Variants in NEGR1 observed in about 807,000 individuals in gnomAD.
NEGR1 encodes IgLON family member 4.
NEGR1 carries 10 observed loss-of-function variants against 40.9 expected under a neutral mutation model. The ratio of observed to expected loss-of-function variants is 0.24; its 90% CI spans 0.15 to 0.42. The LOEUF is 0.42. Ranked by LOEUF, NEGR1 falls within the 10% of genes least tolerant of loss-of-function variation. The pLI is 1.00. For synonymous variants in NEGR1, 185 were observed against 166.8 expected (o/e 1.11, Z -0.84); for missense variants, 352 against 438.9 (o/e 0.80, Z 1.77).
chr1:71,879,698 AT>A (rs906531843), intron 2 of NEGR1, among the ~76,000 whole-genome samples: 1 of 152,176 alleles, frequency 6.6e-6, no homozygotes, highest in East Asian at 1.9e-4. Flanking sequence ...TCACTAAAGC[AT>A]TTCACAAAAA....
At chr1:72,161,985 C>A (rs879343249) in intron 1 of NEGR1, among the ~76,000 whole-genome samples, 2 of 151,954 alleles carry the variant, frequency 1.3e-5, no homozygotes, top group Non-Finnish European at 2.9e-5. Context: ...AGCCACCATG[C>A]CTGGCCATGC....
chr1:72,153,052 T>C (rs1570048357), intron 1 of NEGR1, among the ~76,000 whole-genome samples: 1 of 151,794 alleles, frequency 6.6e-6, no homozygotes, highest in South Asian at 2.1e-4. Flanking sequence ...ATAGGATCCA[T>C]ACCCTAAACC....
rs189565452 is a variant in NEGR1 at position 72,106,711 on chromosome 1, C to T, written c.177-171400G>A. ...ATAAGAAGTCCATCAAACATTTCAA[C>T]AAAGCAAAATTGGCTGACCCAGAGC... is the stretch of plus-strand genomic sequence containing the variant. On this transcript the variant is annotated intron_variant, in intron 1 of 6. Transcript: ENST00000357731. Among the ~76,000 whole-genome samples, 441 of 151,974 alleles carry T rather than the reference C, an allele frequency of 2.9e-3. 1 individual carries two copies. The highest frequency in any genetic ancestry group is 5.1e-3 in the Non-Finnish European group (345 of 67,892).
At chr1:71,823,839 G>A (rs1216987374) in intron 2 of NEGR1, among the ~76,000 whole-genome samples, 1 of 152,020 alleles carries the variant, frequency 6.6e-6, no homozygotes, top group Non-Finnish European at 1.5e-5. Context: ...CGCCTATTTT[G>A]CCATCTGGGT....
intron 1 of NEGR1, among the ~76,000 whole-genome samples, chr1:72,038,389 C>A (rs565571282): frequency 3.9e-5 from 6 of 151,968 alleles, no homozygotes; most frequent in Admixed American, 2.0e-4. Flanking sequence ...ATAAGAAGTT[C>A]ATATTTCTTC....
At chr1:71,835,606 C>A (rs1466252482) in intron 2 of NEGR1, among the ~76,000 whole-genome samples, 2 of 152,002 alleles carry the variant, frequency 1.3e-5, no homozygotes, top group Admixed American at 1.3e-4. Flanking sequence ...CTGTCAGTCC[C>A]CCAACCTATG....
intron 1 of NEGR1, among the ~76,000 whole-genome samples, chr1:72,227,651 T>G (rs1654235626): frequency 6.6e-6 from 1 of 152,124 alleles, no homozygotes; most frequent in African/African-American, 2.4e-5. Context: ...TATAGAAACT[T>G]TTTTGTAAAG....
At chr1:72,118,857 C>A (rs1033193410) in intron 1 of NEGR1, among the ~76,000 whole-genome samples, 2 of 151,304 alleles carry the variant, frequency 1.3e-5, no homozygotes, top group Non-Finnish European at 3.0e-5. Flanking sequence ...GCACTATTTT[C>A]AACCAAATTT....
chr1:71,635,227 T>A (rs1651108269), intron 4 of NEGR1, among the ~76,000 whole-genome samples: 1 of 152,068 alleles, frequency 6.6e-6, no homozygotes. Context: ...TACACATTAA[T>A]TATTACTGGT....
intron 6 of NEGR1, among the ~76,000 whole-genome samples, chr1:71,567,423 G>A (rs1243979671): frequency 6.6e-6 from 1 of 152,090 alleles, no homozygotes; most frequent in Admixed American, 6.5e-5. Context: ...GAATTGGTAA[G>A]CATTTCCTAT....
chr1:72,130,496 C>T (rs1650202920), intron 1 of NEGR1, among the ~76,000 whole-genome samples: 1 of 152,096 alleles, frequency 6.6e-6, no homozygotes, highest in South Asian at 2.1e-4. Context: ...GTCAAGTTTC[C>T]CTAATAAATG....
chr1:71,592,731 C>T (rs746276816), intron 6 of NEGR1, 86 bp downstream of exon 6: 33 of 1,025,852 alleles, frequency 3.2e-5, no homozygotes, highest in East Asian at 1.4e-4. Flanking sequence ...TTAAAATGAA[C>T]GTACTCCATT....
intron 2 of NEGR1, among the ~76,000 whole-genome samples, chr1:71,922,654 G>A (rs1201177766): frequency 6.6e-6 from 1 of 152,080 alleles, no homozygotes; most frequent in African/African-American, 2.4e-5. Flanking sequence ...AATATCAATT[G>A]CATCCTAATT....
intron 3 of NEGR1, among the ~76,000 whole-genome samples, chr1:71,773,310 T>C (rs764478953): frequency 2.0e-5 from 3 of 152,254 alleles, no homozygotes; most frequent in Non-Finnish European, 4.4e-5. Context: ...ACTTCTCGTG[T>C]TGACATGAGG....
At chr1:72,020,791 T>C (rs1162509759) in intron 1 of NEGR1, among the ~76,000 whole-genome samples, 1 of 152,238 alleles carries the variant, frequency 6.6e-6, no homozygotes, top group Non-Finnish European at 1.5e-5. Flanking sequence ...GAGGGATTTT[T>C]ATACAGCTTC....
At chr1:72,045,433 T>C (rs1405423245) in intron 1 of NEGR1, among the ~76,000 whole-genome samples, 1 of 151,742 alleles carries the variant, frequency 6.6e-6, no homozygotes, top group Non-Finnish European at 1.5e-5. Context: ...TTCCCATGTG[T>C]TGTGGGAAAG....
intron 2 of NEGR1, among the ~76,000 whole-genome samples, chr1:71,808,736 GA>G (rs149184521): frequency 7.1e-4 from 107 of 149,712 alleles, no homozygotes; most frequent in African/African-American, 2.2e-3. Flanking sequence ...TCTTATTTCA[GA>G]AAAAAAAAGA....
intron 6 of NEGR1, among the ~76,000 whole-genome samples, chr1:71,567,987 A>G (rs1386803033): frequency 6.6e-6 from 1 of 152,192 alleles, no homozygotes; most frequent in Non-Finnish European, 1.5e-5. Flanking sequence ...TATAAGAAGT[A>G]AATTTCTGTT....
At chr1:71,878,827 T>C (rs1660504098) in intron 2 of NEGR1, among the ~76,000 whole-genome samples, 1 of 152,138 alleles carries the variant, frequency 6.6e-6, no homozygotes. Flanking sequence ...TATCGGTAAA[T>C]TTCTTTAATA....
Sources: gnomAD v4.1 joint callset for allele counts (sites outside exome capture counted in the v4.1 genomes callset) on GRCh38, gnomAD v4.1.1 for gene constraint, MANE v1.5 for transcripts, NCBI Gene and HGNC (gene_info 2026-07-23, HGNC 2026-07-21) for gene names.